Variants in ZEB1 observed in about 807,000 individuals in gnomAD.
ZEB1 encodes the protein zinc finger E-box binding homeobox 1, also known as zinc finger E-box-binding homeobox 1.
Under a neutral mutation model 84.9 loss-of-function variants are expected in ZEB1, and 21 were observed. The observed-to-expected ratio is 0.25, with a 90% CI of 0.18 to 0.36. The LOEUF (loss-of-function observed/expected upper bound fraction) is 0.36. Ranked by LOEUF, ZEB1 falls within the 10% of genes least tolerant of loss-of-function variation. The pLI, the probability that ZEB1 is intolerant of heterozygous loss-of-function variation, is 1.00. For synonymous variants in ZEB1, 420 were observed against 471.1 expected, an observed-to-expected ratio of 0.89 and a Z score of 1.41; for missense variants, 1,104 against 1,330.2, an observed-to-expected ratio of 0.83 and a Z score of 2.65.
Position 31,519,064 on chromosome 10 carries a change from C to T in ZEB1, c.794-1062C>T, listed in dbSNP as rs1329350980. On this transcript the variant is annotated intron_variant, in intron 6 of 8. Coordinates refer to ENST00000424869, the MANE Select transcript of ZEB1 (RefSeq NM_001174096.2). ...AGTAGACAAATCAGTGTCATCACAT[C>T]TCATCATTCAACAATTAGCCATTCA... 3.9e-5 allele frequency among the ~76,000 whole-genome samples: 6 copies of T among 152,134 alleles called. No homozygotes were observed. The East Asian group carries it at 1.2e-3, about 29-fold the overall frequency.
chr10:31,507,949 A>G lies in ZEB1; in HGVS notation c.485-2724A>G, dbSNP rs772428830. On this transcript the variant is annotated intron_variant, in intron 4 of 8. Coordinates refer to ENST00000424869, the MANE Select transcript of ZEB1 (RefSeq NM_001174096.2). ...TACCACACATCTGGTATAATAGTCA[A>G]TTATTCTGGTTTTTTGGATTTGCTT... Among the ~76,000 whole-genome samples the G allele has an allele frequency of 3.3e-4, 50 of 152,032 alleles. 2 individuals carry two copies. Among genetic ancestry groups the G allele is most frequent in the South Asian group, 2.1e-4 (1 of 4,814 alleles).
intron 1 of ZEB1, among the ~76,000 whole-genome samples, chr10:31,446,122 A>T (rs568923532): frequency 1.3e-5 from 2 of 151,156 alleles, no homozygotes; most frequent in African/African-American, 4.9e-5. Context: ...CAGAGATTCA[A>T]CTTCTTCCTG....
At chr10:31,321,100 G>C in intron 1 of ZEB1, 1 of 1,001,304 alleles carries the variant, frequency 1.0e-6, no homozygotes, top group Non-Finnish European at 1.2e-6. Context: ...ACTCTCTCGT[G>C]CTCCCCCAGC....
chr10:31,393,779 C>A (rs2050213291), intron 1 of ZEB1, among the ~76,000 whole-genome samples: 1 of 152,136 alleles, frequency 6.6e-6, no homozygotes. Context: ...TGACTTCTCC[C>A]TGTGCCTGAA....
rs2063783110 is a variant in ZEB1, at chr10:31,474,561, A to G, written c.259+13324A>G. 5.3e-5 allele frequency among the ~76,000 whole-genome samples: 8 copies of G among 152,248 alleles called. No individual in the cohort carries two copies. The South Asian group carries it at 1.7e-3, about 32-fold the overall frequency. On this transcript the variant is annotated intron_variant, in intron 2 of 8. Transcript: ENST00000424869. ...GCAATCATTAAAAAGTCAGGAAACA[A>G]CAGGTACTGGAGAGGATGTGGAGAA...
chr10:31,517,433 A>C (rs1227973574), intron 6 of ZEB1, among the ~76,000 whole-genome samples: 3 of 151,688 alleles, frequency 2.0e-5, no homozygotes, highest in Non-Finnish European at 4.4e-5. Context: ...ATAATTTTCC[A>C]TGGTCTTAGT....
intron 2 of ZEB1, 136 bp from the exon 3 acceptor site, chr10:31,495,640 A>G (rs898153902): frequency 2.5e-6 from 2 of 803,512 alleles, no homozygotes; most frequent in South Asian, 1.5e-5. Flanking sequence ...TGGGGAGTAC[A>G]TGTGATATTT....
At chr10:31,517,845 C>T (rs2071443875) in intron 6 of ZEB1, among the ~76,000 whole-genome samples, 1 of 152,062 alleles carries the variant, frequency 6.6e-6, no homozygotes, top group Non-Finnish European at 1.5e-5. Flanking sequence ...ATATAGTCCT[C>T]AGGATAACCC....
chr10:31,321,371 T>C lies in ZEB1; in HGVS notation c.58+2079T>C, dbSNP rs370047731. On this transcript the variant is annotated intron_variant, in intron 1 of 8. Transcript: ENST00000424869. ...TTGCATTTTAAAGACGTCTGTTGAT[T>C]ATAAACGAAAGGTATTTTGGTATTC... 46 of 1,544,270 alleles carry C rather than the reference T, an allele frequency of 3.0e-5. No individual in the cohort carries two copies. The African/African-American group carries it at 3.2e-4, about 11-fold the overall frequency.
intron 1 of ZEB1, among the ~76,000 whole-genome samples, chr10:31,384,922 G>T (rs11812734): frequency 6.6e-6 from 1 of 151,810 alleles, no homozygotes; most frequent in African/African-American, 2.4e-5. Context: ...TCTTTTTGTC[G>T]TATTATCTGC....
intron 4 of ZEB1, among the ~76,000 whole-genome samples, chr10:31,505,744 A>T (rs937587095): frequency 6.6e-6 from 1 of 151,600 alleles, no homozygotes; most frequent in African/African-American, 2.4e-5. Context: ...TCTTCATTTC[A>T]TTGATTTTGT....
chr10:31,494,785 C>T (rs575612787), intron 2 of ZEB1, among the ~76,000 whole-genome samples: 5 of 152,036 alleles, frequency 3.3e-5, no homozygotes, highest in African/African-American at 9.6e-5. Flanking sequence ...AAATATAAAA[C>T]ATACTTTTTG....
At chr10:31,486,751 C>G (rs187073936) in intron 2 of ZEB1, among the ~76,000 whole-genome samples, 1 of 151,274 alleles carries the variant, frequency 6.6e-6, no homozygotes, top group East Asian at 1.9e-4. Flanking sequence ...TTCTCTTATC[C>G]TAGTCTTTCA....
intron 1 of ZEB1, chr10:31,363,694 C>T: frequency 2.4e-6 from 3 of 1,242,848 alleles, no homozygotes; most frequent in South Asian, 1.3e-5. Flanking sequence ...CCTTACGGGG[C>T]TGAGGTGTCC....
intron 1 of ZEB1, among the ~76,000 whole-genome samples, chr10:31,450,388 G>T (rs562068047): frequency 6.6e-6 from 1 of 151,854 alleles, no homozygotes; most frequent in African/African-American, 2.4e-5. Context: ...GAAAGCTGTT[G>T]ATTTTTTTCT....
At chr10:31,326,476 A>G (rs1305290133) in intron 1 of ZEB1, among the ~76,000 whole-genome samples, 3 of 152,212 alleles carry the variant, frequency 2.0e-5, no homozygotes, top group African/African-American at 7.2e-5. Flanking sequence ...ACTTTATATG[A>G]ATAAATATTC....
At chr10:31,363,734 C>T (rs1466554404) in intron 1 of ZEB1, 8 of 1,191,920 alleles carry the variant, frequency 6.7e-6, no homozygotes, top group African/African-American at 3.0e-5. Flanking sequence ...GGAGACAGCA[C>T]GGGTTTCTTC....
At chr10:31,517,603 AGATAAATTAGT>A (rs1259332970) in intron 6 of ZEB1, among the ~76,000 whole-genome samples, 1 of 152,052 alleles carries the variant, frequency 6.6e-6, no homozygotes, top group African/African-American at 2.4e-5. Flanking sequence ...TAACCTCCAT[AGATAAATTAGT>A]GATATGCCTA....
intron 2 of ZEB1, among the ~76,000 whole-genome samples, chr10:31,463,978 C>T (rs1446130163): frequency 6.6e-6 from 1 of 152,092 alleles, no homozygotes; most frequent in Non-Finnish European, 1.5e-5. Context: ...TATAAAATGA[C>T]TACTGTCTTG....
Sources: gnomAD v4.1 joint callset for allele counts (sites outside exome capture counted in the v4.1 genomes callset) on GRCh38, gnomAD v4.1.1 for gene constraint, MANE v1.5 for transcripts, NCBI Gene and HGNC (gene_info 2026-07-23, HGNC 2026-07-21) for gene names.